CDH13: variants seen among roughly 807,000 people sequenced by gnomAD.
CDH13 encodes cadherin 13.
In CDH13, 24 loss-of-function variants were observed where a neutral mutation model predicts 63.8. The observed-to-expected ratio is 0.38, with a 90% confidence interval of 0.27 to 0.53. The LOEUF is 0.53. Among genes scored for constraint, CDH13 ranks in the 20% least tolerant of loss-of-function variants. The pLI is 0.85. For missense variants in CDH13, 1,049 were observed against 903.1 expected (o/e 1.16, Z -2.07); for synonymous variants, 503 against 355.3 (o/e 1.42, Z -4.67).
At chr16:82,732,800 T>C (rs1470419513) in intron 1 of CDH13, among the ~76,000 whole-genome samples, 1 of 152,146 alleles carries the variant, frequency 6.6e-6, no homozygotes, top group East Asian at 1.9e-4. Flanking sequence ...TTTAGTCACT[T>C]TGGATTTCTG....
At chr16:82,982,641 C>T (rs1910428744) in intron 2 of CDH13, among the ~76,000 whole-genome samples, 2 of 152,168 alleles carry the variant, frequency 1.3e-5, no homozygotes. Flanking sequence ...CAACTATTTG[C>T]CATTGAAAGT....
chr16:83,776,691 C>G (rs971148179), intron 11 of CDH13, among the ~76,000 whole-genome samples: 1 of 152,198 alleles, frequency 6.6e-6, no homozygotes, highest in Non-Finnish European at 1.5e-5. Context: ...TAACATTCTC[C>G]TTACAAAATC....
chr16:83,204,826 G>T (rs1483895293), intron 4 of CDH13, among the ~76,000 whole-genome samples: 1 of 152,228 alleles, frequency 6.6e-6, no homozygotes, highest in African/African-American at 2.4e-5. Context: ...CCAGGTCCAT[G>T]AAGTCACTAC....
intron 7 of CDH13, among the ~76,000 whole-genome samples, chr16:83,513,596 A>C (rs891801487): frequency 6.6e-6 from 1 of 152,196 alleles, no homozygotes; most frequent in African/African-American, 2.4e-5. Flanking sequence ...ACAGGGTGGC[A>C]GCAAGGAGAA....
intron 1 of CDH13, among the ~76,000 whole-genome samples, chr16:82,752,533 C>A (rs1597475824): frequency 6.6e-6 from 1 of 152,232 alleles, no homozygotes; most frequent in African/African-American, 2.4e-5. Context: ...GACATAAGCC[C>A]TAACTCTGAA....
intron 1 of CDH13, among the ~76,000 whole-genome samples, chr16:82,776,083 G>A (rs937823181): frequency 1.4e-4 from 21 of 152,252 alleles, no homozygotes; most frequent in Middle Eastern, 3.4e-3. Flanking sequence ...AGTGGTGCAT[G>A]CCTATAATCC....
intron 5 of CDH13, among the ~76,000 whole-genome samples, chr16:83,285,285 G>A (rs910297997): frequency 3.9e-5 from 6 of 152,070 alleles, no homozygotes; most frequent in Non-Finnish European, 8.8e-5. Flanking sequence ...AAGAGACCTG[G>A]TCCTAGTCAA....
intron 6 of CDH13, among the ~76,000 whole-genome samples, chr16:83,357,922 A>T (rs1384690441): frequency 6.6e-6 from 1 of 152,098 alleles, no homozygotes; most frequent in Non-Finnish European, 1.5e-5. Context: ...CGAGTGGGAG[A>T]TGTTGCCAGG....
In CDH13 at chr16:83,691,959, A is replaced by ACC. The variant is rs1162543930; in HGVS notation, c.1538+13501_1538+13502dup. Among the ~76,000 whole-genome samples, 3 of 152,206 alleles carry ACC rather than the reference A, an allele frequency of 2.0e-5. No homozygotes were observed. The East Asian group carries it at 5.8e-4, about 30-fold the overall frequency. On this transcript the variant is annotated intron_variant, in intron 10 of 13. Coordinates refer to ENST00000567109, the MANE Select transcript of CDH13 (RefSeq NM_001257.5). ...ACAGCAACCCTGTGGGTCTCTGATT[A>ACC]CCCCTTTTATACAGGGGAAGACAAT...
rs541448913 is a variant in CDH13, at chr16:82,895,746, T to C, written c.157+37273T>C. 2.0e-5 allele frequency among the ~76,000 whole-genome samples: 3 copies of C among 151,960 alleles called. No individual in the cohort carries two copies. In the South Asian group the frequency reaches 6.3e-4, roughly 32 times the overall value. ...CTTGGTTTTGTCCATTATAAACTGT[T>C]AGATTAACCATTTGTACAGCCAATG... On this transcript the variant is annotated intron_variant, in intron 2 of 13. Transcript: ENST00000567109.
intron 1 of CDH13, among the ~76,000 whole-genome samples, chr16:82,772,878 G>A (rs1275655837): frequency 6.6e-6 from 1 of 152,192 alleles, no homozygotes; most frequent in Admixed American, 6.5e-5. Flanking sequence ...TATGGACTGA[G>A]TACACATGGT....
chr16:83,733,929 T>C (rs2150954409), intron 10 of CDH13, among the ~76,000 whole-genome samples: 1 of 152,242 alleles, frequency 6.6e-6, no homozygotes, highest in East Asian at 1.9e-4. Context: ...CTGCCCCAGG[T>C]TCCATGCTGC....
intron 5 of CDH13, among the ~76,000 whole-genome samples, chr16:83,329,255 C>T (rs139396201): frequency 2.5e-3 from 377 of 152,120 alleles, no homozygotes; most frequent in Middle Eastern, 3.4e-3. Context: ...AGACAGAGTC[C>T]GGCTCTGTTG....
At chr16:83,148,773 A>G (rs1413861008) in intron 4 of CDH13, among the ~76,000 whole-genome samples, 1 of 152,186 alleles carries the variant, frequency 6.6e-6, no homozygotes, top group East Asian at 1.9e-4. Flanking sequence ...AGACAGATTT[A>G]TCCTTATACT....
chr16:83,101,613 G>T (rs1452984948), intron 3 of CDH13, among the ~76,000 whole-genome samples: 2 of 152,072 alleles, frequency 1.3e-5, no homozygotes, highest in Admixed American at 1.3e-4. Context: ...GGCTAACATG[G>T]CCAAACCCCA....
intron 5 of CDH13, among the ~76,000 whole-genome samples, chr16:83,339,069 C>T (rs758003549): frequency 1.3e-5 from 2 of 152,062 alleles, no homozygotes; most frequent in Non-Finnish European, 2.9e-5. Flanking sequence ...TGCACAGTAG[C>T]CCTGGTGAGA....
intron 2 of CDH13, among the ~76,000 whole-genome samples, chr16:82,869,251 G>C (rs1042025255): frequency 1.5e-4 from 23 of 152,110 alleles, no homozygotes; most frequent in Non-Finnish European, 2.9e-4. Flanking sequence ...TTGCCATGTT[G>C]GCCAGGCTGG....
chr16:83,168,740 C>T (rs559102775), intron 4 of CDH13, among the ~76,000 whole-genome samples: 1 of 152,186 alleles, frequency 6.6e-6, no homozygotes, highest in Non-Finnish European at 1.5e-5. Flanking sequence ...TATACTCATT[C>T]ATATATATTC....
intron 1 of CDH13, among the ~76,000 whole-genome samples, chr16:82,670,117 G>C (rs1226720931): frequency 6.6e-6 from 1 of 152,206 alleles, no homozygotes; most frequent in Non-Finnish European, 1.5e-5. Flanking sequence ...AGCATATGGG[G>C]CTTCAGGTTG....
Sources: gnomAD v4.1 joint callset for allele counts (sites outside exome capture counted in the v4.1 genomes callset) on GRCh38, gnomAD v4.1.1 for gene constraint, MANE v1.5 for transcripts, NCBI Gene and HGNC (gene_info 2026-07-23, HGNC 2026-07-21) for gene names.